The following FGGY variants were observed in gnomAD, a reference collection of about 807,000 sequenced individuals.
The protein encoded by FGGY is FGGY carbohydrate kinase domain containing.
Under a neutral mutation model 71.3 loss-of-function variants are expected in FGGY, and 72 were observed. That is an observed-to-expected ratio of 1.01 (90% CI 0.84 to 1.23). FGGY has a LOEUF of 1.23. Ranked by LOEUF, FGGY falls within the 50% of genes most tolerant of loss-of-function variation. The pLI, the probability that FGGY is intolerant of heterozygous loss-of-function variation, is 0.00. For synonymous variants in FGGY, 251 were observed against 250.3 expected, an observed-to-expected ratio of 1.00 and a Z score of -0.02; for missense variants, 668 against 682.3, an observed-to-expected ratio of 0.98 and a Z score of 0.23.
intron 6 of FGGY, among the ~76,000 whole-genome samples, chr1:59,470,717 A>G (rs2092898790): frequency 6.6e-6 from 1 of 152,244 alleles, no homozygotes; most frequent in African/African-American, 2.4e-5. Context: ...CAGTGATGCC[A>G]TCCATAGTTG....
rs1349903742 is a variant in FGGY at position 59,651,507 on chromosome 1, T to C, written c.1222-8712T>C. Among the ~76,000 whole-genome samples the C allele has an allele frequency of 4.1e-5, 6 of 146,700 alleles. No homozygotes were observed. The South Asian group carries it at 1.4e-3, about 33-fold the overall frequency. ...AATTGATCCCTTTACCATTATGTAATGGCCTTCTTTGTCTCTTTTGATCTT... is the reference window on the plus strand; with the variant it reads ...AATTGATCCCTTTACCATTATGTAACGGCCTTCTTTGTCTCTTTTGATCTT... On this transcript the variant is annotated intron_variant, in intron 11 of 15. Coordinates refer to ENST00000303721, the MANE Select transcript of FGGY (RefSeq NM_018291.5).
chr1:59,543,491 T>C (rs894584025), intron 7 of FGGY, among the ~76,000 whole-genome samples: 1 of 152,228 alleles, frequency 6.6e-6, no homozygotes, highest in Non-Finnish European at 1.5e-5. Flanking sequence ...GGGAAAATCC[T>C]AGCCTTTATA....
At position 59,606,174 on chromosome 1, in the gene FGGY, A is replaced by G. The variant is rs566459670; in HGVS notation, c.904-1629A>G. Among the ~76,000 whole-genome samples the G allele has an allele frequency of 7.8e-4, 119 of 152,286 alleles. No homozygotes were observed. The South Asian group carries it at 0.012, about 16-fold the overall frequency. ...TAATAAAATAAAAAATTTTAAAAAA[A>G]TGGCACTATCTTGATTACTGAGAGC... On this transcript the variant is annotated intron_variant, in intron 8 of 15. Transcript: ENST00000303721.
chr1:59,680,737 A>G (rs955596623), intron 14 of FGGY: 10 of 152,172 alleles, frequency 6.6e-5, no homozygotes, highest in Non-Finnish European at 1.5e-5. Context: ...AGACCCCTTG[A>G]AGCAACCCAG....
In FGGY at chr1:59,536,249, G is replaced by C. The variant is rs892374038; in HGVS notation, c.800-17875G>C. Reference sequence around the variant, plus strand: ...TCTAGAAGAAATGGATAAATTCCTCGACACATACACTTTCCCAAGACTAAA... The same window carrying C: ...TCTAGAAGAAATGGATAAATTCCTCCACACATACACTTTCCCAAGACTAAA... On this transcript the variant is annotated intron_variant, in intron 7 of 15. Coordinates refer to ENST00000303721, the MANE Select transcript of FGGY (RefSeq NM_018291.5). Among the ~76,000 whole-genome samples, 12 of 151,986 alleles carry C rather than the reference G, an allele frequency of 7.9e-5. No individual in the cohort carries two copies. The East Asian group carries it at 1.2e-3, about 15-fold the overall frequency.
intron 6 of FGGY, among the ~76,000 whole-genome samples, chr1:59,495,152 CAT>C (rs1490915896): frequency 6.6e-6 from 1 of 152,042 alleles, no homozygotes; most frequent in Non-Finnish European, 1.5e-5. Context: ...GAAAAGTGTT[CAT>C]GTTATTTCCC....
At chr1:59,541,706 G>A (rs1302962950) in intron 7 of FGGY, among the ~76,000 whole-genome samples, 1 of 152,178 alleles carries the variant, frequency 6.6e-6, no homozygotes, top group African/African-American at 2.4e-5. Context: ...ATATGGATAT[G>A]CAGAATATAT....
At chr1:59,516,464 A>T (rs1244693944) in intron 7 of FGGY, among the ~76,000 whole-genome samples, 1 of 152,184 alleles carries the variant, frequency 6.6e-6, no homozygotes, top group Non-Finnish European at 1.5e-5. Flanking sequence ...AATCCCTGAG[A>T]CATATTGTGA....
At chr1:59,388,898 C>G (rs2060384719) in intron 5 of FGGY, among the ~76,000 whole-genome samples, 1 of 152,014 alleles carries the variant, frequency 6.6e-6, no homozygotes. Context: ...ATTTATCACC[C>G]CAAACGGAAG....
At chr1:59,457,892 G>C (rs2091867822) in intron 6 of FGGY, among the ~76,000 whole-genome samples, 1 of 152,110 alleles carries the variant, frequency 6.6e-6, no homozygotes, top group South Asian at 2.1e-4. Context: ...TTATGTGGGT[G>C]GTAAAGTACA....
intron 14 of FGGY, among the ~76,000 whole-genome samples, chr1:59,754,337 A>G (rs1418279196): frequency 6.6e-6 from 1 of 151,924 alleles, no homozygotes; most frequent in Non-Finnish European, 1.5e-5. Context: ...CTATTCTCAT[A>G]GATTGCTCAC....
intron 7 of FGGY, among the ~76,000 whole-genome samples, chr1:59,535,776 G>A (rs2095298037): frequency 6.7e-6 from 1 of 148,960 alleles, no homozygotes. Flanking sequence ...GATCTTCTTT[G>A]AAACCAACGA....
At chr1:59,308,248 T>C (rs2043737095) in intron 1 of FGGY, among the ~76,000 whole-genome samples, 2 of 152,180 alleles carry the variant, frequency 1.3e-5, no homozygotes, top group Admixed American at 1.3e-4. Context: ...ATGAGAGTCA[T>C]CTTAAAACAT....
intron 8 of FGGY, among the ~76,000 whole-genome samples, chr1:59,599,169 T>C (rs1469213065): frequency 1.3e-5 from 2 of 152,094 alleles, no homozygotes; most frequent in African/African-American, 4.8e-5. Context: ...AGTGGCACGA[T>C]CTTGGCTTAC....
chr1:59,496,631 G>A (rs759308181), intron 6 of FGGY, among the ~76,000 whole-genome samples: 20 of 152,034 alleles, frequency 1.3e-4, no homozygotes, highest in Non-Finnish European at 2.2e-4. Flanking sequence ...AATGTGACAC[G>A]CAGTTTACCT....
intron 5 of FGGY, among the ~76,000 whole-genome samples, chr1:59,408,264 CT>C (rs1315005634): frequency 6.6e-6 from 1 of 152,208 alleles, no homozygotes; most frequent in Admixed American, 6.5e-5. Flanking sequence ...TTCTCTCTTT[CT>C]CCTAGGTCTT....
chr1:59,559,833 A>G (rs1190385237), intron 8 of FGGY, among the ~76,000 whole-genome samples: 3 of 152,232 alleles, frequency 2.0e-5, no homozygotes, highest in Admixed American at 1.3e-4. Context: ...TCAAAGTATA[A>G]CATAAATATC....
chr1:59,437,518 G>A (rs2068740551), intron 5 of FGGY, among the ~76,000 whole-genome samples: 1 of 152,254 alleles, frequency 6.6e-6, no homozygotes, highest in Non-Finnish European at 1.5e-5. Flanking sequence ...AAATGTATTT[G>A]CCTTGATCCT....
chr1:59,592,027 C>T (rs191284577), intron 8 of FGGY, among the ~76,000 whole-genome samples: 8,098 of 152,168 alleles, frequency 0.053, 427 homozygotes, highest in African/African-American at 0.14. Context: ...TGAAAATTTT[C>T]GCAACCTACT....
Sources: gnomAD v4.1 joint callset for allele counts (sites outside exome capture counted in the v4.1 genomes callset) on GRCh38, gnomAD v4.1.1 for gene constraint, MANE v1.5 for transcripts, NCBI Gene and HGNC (gene_info 2026-07-23, HGNC 2026-07-21) for gene names.